Variants in GABBR2 observed in about 807,000 individuals in gnomAD.
GABBR2 encodes the protein gamma-aminobutyric acid type B receptor subunit 2.
In GABBR2, 23 loss-of-function variants were observed where a neutral mutation model predicts 105.6. The observed-to-expected ratio is 0.22, with a 90% CI of 0.16 to 0.31. The LOEUF (loss-of-function observed/expected upper bound fraction) is 0.31. GABBR2 is among the 10% of genes least tolerant of loss of function. The pLI, the probability that GABBR2 is intolerant of heterozygous loss-of-function variation, is 1.00. For synonymous variants in GABBR2, 478 were observed against 499.7 expected (o/e 0.96, Z 0.58); for missense variants, 734 against 1,245.5 (o/e 0.59, Z 6.18).
intron 1 of GABBR2, among the ~76,000 whole-genome samples, chr9:98,652,512 C>T (rs1051065703): frequency 3.3e-5 from 5 of 152,098 alleles, no homozygotes; most frequent in African/African-American, 1.2e-4. Context: ...TAGGTCTGTC[C>T]TCTCTCACCT....
At chr9:98,319,099 C>T (rs2131373107) in intron 13 of GABBR2, among the ~76,000 whole-genome samples, 1 of 152,242 alleles carries the variant, frequency 6.6e-6, no homozygotes, top group East Asian at 1.9e-4. Context: ...ACTCAGATCC[C>T]AAGTCCACCT....
At chr9:98,374,811 T>C (rs1831844592) in intron 11 of GABBR2, among the ~76,000 whole-genome samples, 1 of 152,180 alleles carries the variant, frequency 6.6e-6, no homozygotes, top group African/African-American at 2.4e-5. Flanking sequence ...TTGCTGATAT[T>C]GCTGTGTATT....
At chr9:98,493,909 A>G (rs1269771929) in intron 4 of GABBR2, among the ~76,000 whole-genome samples, 1 of 152,226 alleles carries the variant, frequency 6.6e-6, no homozygotes, top group Non-Finnish European at 1.5e-5. Flanking sequence ...TTACATTCTA[A>G]TGGGAGGAGA....
chr9:98,444,449 G>A (rs759691817), intron 7 of GABBR2, among the ~76,000 whole-genome samples: 16 of 152,054 alleles, frequency 1.1e-4, no homozygotes, highest in East Asian at 3.9e-4. Context: ...GGAATTGTAC[G>A]TCCCCACCAT....
chr9:98,588,999 G>T (rs569190171), intron 1 of GABBR2, among the ~76,000 whole-genome samples: 41 of 152,328 alleles, frequency 2.7e-4, no homozygotes, highest in African/African-American at 8.9e-4. Flanking sequence ...GCAGTCTCAC[G>T]AGCTGACAGC....
chr9:98,570,035 T>C (rs1269151539), intron 2 of GABBR2, among the ~76,000 whole-genome samples: 1 of 152,246 alleles, frequency 6.6e-6, no homozygotes, highest in Non-Finnish European at 1.5e-5. Context: ...AAACCAGGCA[T>C]GCTTTCGAGT....
chr9:98,309,549 A>G (rs893181632), intron 14 of GABBR2, among the ~76,000 whole-genome samples: 5 of 152,196 alleles, frequency 3.3e-5, no homozygotes, highest in African/African-American at 4.8e-5. Flanking sequence ...CCATCTTTAC[A>G]TGGAGATGGA....
intron 9 of GABBR2, 132 bp from the exon 10 acceptor site, chr9:98,389,136 G>T: frequency 1.4e-6 from 1 of 695,686 alleles, no homozygotes; most frequent in Non-Finnish European, 2.4e-6. Flanking sequence ...TATCTACCGG[G>T]TGAGCCAGAT....
intron 3 of GABBR2, among the ~76,000 whole-genome samples, chr9:98,500,313 C>T (rs1202718840): frequency 6.6e-6 from 1 of 152,210 alleles, no homozygotes; most frequent in African/African-American, 2.4e-5. Flanking sequence ...GTGAGGCAGC[C>T]ACCAGGAGTC....
chr9:98,531,255 G>A (rs1828062187), intron 3 of GABBR2, among the ~76,000 whole-genome samples: 1 of 152,170 alleles, frequency 6.6e-6, no homozygotes, highest in South Asian at 2.1e-4. Context: ...TCTCTGAGCG[G>A]GGTCCATGTG....
At chr9:98,682,863 C>T (rs1830567235) in intron 1 of GABBR2, among the ~76,000 whole-genome samples, 1 of 147,646 alleles carries the variant, frequency 6.8e-6, no homozygotes, top group Admixed American at 6.8e-5. Context: ...ATCAACTGCC[C>T]AATTGACAGA....
At chr9:98,581,017 A>G (rs1485032999) in intron 1 of GABBR2, 1 of 152,216 alleles carries the variant, frequency 6.6e-6, no homozygotes, top group Non-Finnish European at 1.5e-5. Flanking sequence ...TCTGTGACCC[A>G]TGTCTGTGCC....
intron 7 of GABBR2, among the ~76,000 whole-genome samples, chr9:98,438,630 C>T (rs1825976384): frequency 6.6e-6 from 1 of 152,186 alleles, no homozygotes; most frequent in South Asian, 2.1e-4. Context: ...AGGATTTCTA[C>T]ATTGTGCTGC....
At chr9:98,337,860 A>G (rs747728834) in intron 13 of GABBR2, among the ~76,000 whole-genome samples, 2 of 152,050 alleles carry the variant, frequency 1.3e-5, no homozygotes, top group African/African-American at 2.4e-5. Flanking sequence ...AGTCTCTACT[A>G]AAAAAACAAA....
At chr9:98,326,129 C>T (rs1359777744) in intron 13 of GABBR2, among the ~76,000 whole-genome samples, 1 of 152,092 alleles carries the variant, frequency 6.6e-6, no homozygotes, top group African/African-American at 2.4e-5. Context: ...AAGGGAGTGG[C>T]CAATCCAAAG....
At chr9:98,608,848 A>T (rs1829466766) in intron 1 of GABBR2, among the ~76,000 whole-genome samples, 1 of 152,200 alleles carries the variant, frequency 6.6e-6, no homozygotes, top group African/African-American at 2.4e-5. Flanking sequence ...AGAATATAGC[A>T]TCTTTCATAT....
intron 13 of GABBR2, among the ~76,000 whole-genome samples, chr9:98,355,766 CACA>C (rs1302267810): frequency 6.6e-6 from 1 of 152,144 alleles, no homozygotes; most frequent in Non-Finnish European, 1.5e-5. Context: ...GAAGATCTCA[CACA>C]ACATTAAAGA....
At chr9:98,333,182 A>G (rs1831057696) in intron 13 of GABBR2, among the ~76,000 whole-genome samples, 1 of 152,158 alleles carries the variant, frequency 6.6e-6, no homozygotes, top group Non-Finnish European at 1.5e-5. Context: ...ACCTTCATCA[A>G]GTGCTCTCCA....
chr9:98,676,391 G>A (rs1486903545), intron 1 of GABBR2, among the ~76,000 whole-genome samples: 1 of 152,224 alleles, frequency 6.6e-6, no homozygotes. Flanking sequence ...TAAGCTATAA[G>A]TTTGTGGTAA....
Sources: allele counts gnomAD v4.1 joint callset (sites outside exome capture counted in the v4.1 genomes callset), GRCh38; gene constraint gnomAD v4.1.1; transcripts MANE v1.5; gene names NCBI Gene and HGNC (gene_info 2026-07-23, HGNC 2026-07-21).